TMEM123: variants seen among roughly 807,000 people sequenced by gnomAD.
The protein encoded by TMEM123 is transmembrane protein 123, also known as porimin.
In TMEM123, 16 loss-of-function variants were observed where a neutral mutation model predicts 19.7. That is an observed-to-expected ratio of 0.81 (90% CI 0.55 to 1.23). The LOEUF (loss-of-function observed/expected upper bound fraction) is 1.23. Among genes scored for constraint, TMEM123 ranks in the 50% most tolerant of loss-of-function variants. TMEM123 has a pLI of 0.00. For missense variants in TMEM123, 313 were observed against 257.8 expected (o/e 1.21, Z -1.47); for synonymous variants, 118 against 99.4 (o/e 1.19, Z -1.12).
rs540801099 is a variant in TMEM123 at position 102,399,115 on chromosome 11, A to C, written c.603-224T>G. Among the ~76,000 whole-genome samples, 282 of 152,338 alleles carry C rather than the reference A, an allele frequency of 1.9e-3. 1 individual carries two copies. Among genetic ancestry groups the C allele is most frequent in the African/African-American group, 6.2e-3 (257 of 41,572 alleles). On this transcript the variant is annotated intron_variant, in intron 4 of 4. Coordinates refer to ENST00000398136, the MANE Select transcript of TMEM123 (RefSeq NM_052932.3). ...CCATCTTGTCTTGCTGCAATCATAG[A>C]CACAGACATAGCTTCTATTTGTAAG...
At chr11:102,440,217 C>T (rs900806012) in intron 2 of TMEM123, among the ~76,000 whole-genome samples, 5 of 152,058 alleles carry the variant, frequency 3.3e-5, no homozygotes, top group African/African-American at 7.2e-5. Flanking sequence ...AGATACTCCT[C>T]GAGAAGAACA....
intron 2 of TMEM123, among the ~76,000 whole-genome samples, chr11:102,402,949 C>CT (rs1019518570): frequency 6.6e-6 from 1 of 152,248 alleles, no homozygotes; most frequent in Non-Finnish European, 1.5e-5. Flanking sequence ...CTGAGTTTTT[C>CT]TTTTTTGGGG....
At chr11:102,403,449 C>A (rs146591140) in intron 2 of TMEM123, among the ~76,000 whole-genome samples, 4 of 152,162 alleles carry the variant, frequency 2.6e-5, no homozygotes, top group African/African-American at 7.2e-5. Context: ...CTTTTTAACA[C>A]GACAATTTAA....
chr11:102,405,111 T>A (rs1462675802), intron 2 of TMEM123, among the ~76,000 whole-genome samples: 1 of 151,216 alleles, frequency 6.6e-6, no homozygotes, highest in Admixed American at 6.6e-5. Context: ...TGCAGTGGCG[T>A]GATCTCAGCT....
At chr11:102,428,495 CG>C (rs1952148221) in intron 2 of TMEM123, among the ~76,000 whole-genome samples, 1 of 149,892 alleles carries the variant, frequency 6.7e-6, no homozygotes, top group African/African-American at 2.5e-5. Context: ...TTAGTAGAGA[CG>C]GGGTTTTGCC....
intron 2 of TMEM123, among the ~76,000 whole-genome samples, chr11:102,447,431 T>C (rs1293984044): frequency 6.6e-6 from 1 of 152,222 alleles, no homozygotes; most frequent in Non-Finnish European, 1.5e-5. Flanking sequence ...TTTCCCCATG[T>C]GTAAACCAGA....
chr11:102,447,723 T>A (rs76462439), intron 2 of TMEM123, among the ~76,000 whole-genome samples: 2,751 of 152,266 alleles, frequency 0.018, 101 homozygotes, highest in African/African-American at 0.063. Flanking sequence ...CCCTCTAGAC[T>A]TTTTTTCCTC....
chr11:102,448,975 T>C, intron 1 of TMEM123, 107 bp from the exon 2 acceptor site: 3 of 1,083,820 alleles, frequency 2.8e-6, no homozygotes, highest in Non-Finnish European at 4.2e-6. Context: ...GTCAGGAGGG[T>C]AGATTATTCC....
chr11:102,446,575 CTA>C (rs1239131190), intron 2 of TMEM123, among the ~76,000 whole-genome samples: 1 of 152,184 alleles, frequency 6.6e-6, no homozygotes, highest in African/African-American at 2.4e-5. Flanking sequence ...TACAAAATAT[CTA>C]TGTTGCTCCA....
chr11:102,445,186 AT>A (rs1302129430), intron 2 of TMEM123, among the ~76,000 whole-genome samples: 1 of 152,196 alleles, frequency 6.6e-6, no homozygotes, highest in Non-Finnish European at 1.5e-5. Context: ...ATTACCATCA[AT>A]TTTCAGACGC....
intron 2 of TMEM123, among the ~76,000 whole-genome samples, chr11:102,431,180 CTG>C (rs1387324876): frequency 3.3e-5 from 5 of 152,022 alleles, no homozygotes; most frequent in Middle Eastern, 3.4e-3. Flanking sequence ...TAAAAAAAAA[CTG>C]TATTTATGGT....
intron 2 of TMEM123, among the ~76,000 whole-genome samples, chr11:102,447,963 A>C (rs1361107990): frequency 1.3e-5 from 2 of 152,352 alleles, no homozygotes; most frequent in Non-Finnish European, 1.5e-5. Context: ...CTTTAAAAAA[A>C]TGGTTACTTA....
intron 2 of TMEM123, among the ~76,000 whole-genome samples, chr11:102,409,905 A>T (rs1182813003): frequency 6.6e-6 from 1 of 152,072 alleles, no homozygotes; most frequent in South Asian, 2.1e-4. Context: ...TTCAAAAAAA[A>T]AAAAAATCTA....
At chr11:102,411,878 A>G (rs1952008245) in intron 2 of TMEM123, among the ~76,000 whole-genome samples, 1 of 152,202 alleles carries the variant, frequency 6.6e-6, no homozygotes, top group Non-Finnish European at 1.5e-5. Context: ...TCTGGAGCAT[A>G]TACAGTTGGG....
intron 2 of TMEM123, among the ~76,000 whole-genome samples, chr11:102,423,402 G>A (rs952799340): frequency 1.3e-5 from 2 of 152,162 alleles, no homozygotes; most frequent in Non-Finnish European, 2.9e-5. Flanking sequence ...TCCCTTTAAA[G>A]TCCACTCCCT....
rs1951880256 is a variant in TMEM123, at chr11:102,398,545, GATGA to G, written c.*318_*321del. 1 of 442,020 alleles carries G rather than the reference GATGA, an allele frequency of 2.3e-6. No homozygotes were observed. The highest frequency in any genetic ancestry group is 3.5e-5 in the East Asian group (1 of 28,436). 27.4% of individuals were successfully genotyped at this position (442,020 alleles called of 1,614,324 possible). On this transcript the variant is annotated 3_prime_UTR_variant, in exon 5 of 5. Coordinates refer to ENST00000398136, the MANE Select transcript of TMEM123 (RefSeq NM_052932.3). ...CCCAGATGGCATTCTGTCTTTCAGT[GATGA>G]CGTCTTTCAATTACTGGTCATATGT...
At chr11:102,432,296 G>A (rs879869737) in intron 2 of TMEM123, among the ~76,000 whole-genome samples, 7 of 152,208 alleles carry the variant, frequency 4.6e-5, no homozygotes, top group Admixed American at 6.5e-5. Flanking sequence ...CTTGTTGAAC[G>A]GCTTTGACCA....
chr11:102,413,163 T>A (rs927974334), intron 2 of TMEM123, among the ~76,000 whole-genome samples: 2 of 152,192 alleles, frequency 1.3e-5, no homozygotes, highest in Admixed American at 1.3e-4. Context: ...TTCCAGCAAC[T>A]CATACAAATG....
At chr11:102,403,390 T>C (rs1400513583) in intron 2 of TMEM123, among the ~76,000 whole-genome samples, 2 of 152,246 alleles carry the variant, frequency 1.3e-5, no homozygotes, top group African/African-American at 4.8e-5. Context: ...ATATGGCCTA[T>C]AACCAGAAGC....
Sources: gnomAD v4.1 joint callset for allele counts (sites outside exome capture counted in the v4.1 genomes callset) on GRCh38, gnomAD v4.1.1 for gene constraint, MANE v1.5 for transcripts, NCBI Gene and HGNC (gene_info 2026-07-23, HGNC 2026-07-21) for gene names.